Variants in NFATC3 observed in about 807,000 individuals in gnomAD.
NFATC3 encodes the protein nuclear factor of activated T cells 3.
NFATC3 carries 46 observed loss-of-function variants against 98.6 expected under a neutral mutation model. That is an observed-to-expected ratio of 0.47 (90% CI 0.37 to 0.60). NFATC3 has a LOEUF of 0.60. Among genes scored for constraint, NFATC3 ranks in the 20% least tolerant of loss-of-function variants. The probability of loss-of-function intolerance (pLI) is 0.00; values close to 1 mark genes in which losing one functional copy is unlikely to be tolerated. For missense variants in NFATC3, 1,256 were observed against 1,295.5 expected, an observed-to-expected ratio of 0.97 and a Z score of 0.47; for synonymous variants, 512 against 472.2, an observed-to-expected ratio of 1.08 and a Z score of -1.09.
intron 9 of NFATC3, among the ~76,000 whole-genome samples, chr16:68,194,872 A>G (rs1598562819): frequency 6.6e-6 from 1 of 152,320 alleles, no homozygotes; most frequent in Admixed American, 6.5e-5. Context: ...ATTTGTTGCA[A>G]AAACAGAAGA....
intron 9 of NFATC3, 111 bp from the exon 10 acceptor site, chr16:68,226,239 C>A: frequency 7.5e-7 from 1 of 1,338,616 alleles, no homozygotes; most frequent in Non-Finnish European, 1.0e-6. Context: ...CTGCCTTTAT[C>A]TTTACAGAAA....
At chr16:68,143,663 A>G (rs560926506) in intron 3 of NFATC3, among the ~76,000 whole-genome samples, 17 of 152,288 alleles carry the variant, frequency 1.1e-4, no homozygotes, top group Non-Finnish European at 2.2e-4. Flanking sequence ...AACCTGGCCA[A>G]TATAATGAAG....
chr16:68,209,800 A>C, intron 9 of NFATC3: 1 of 406,340 alleles, frequency 2.5e-6, no homozygotes, highest in Non-Finnish European at 4.7e-6. Context: ...AATGCAAGAA[A>C]TGAACGAATA....
rs771954147 is a variant in NFATC3, at chr16:68,122,229, A to G, written c.346A>G (p.Ile116Val). The G allele has an allele frequency of 9.3e-6, 15 of 1,613,956 alleles. No individual in the cohort carries two copies. The highest frequency in any genetic ancestry group is 8.0e-5 in the African/African-American group (6 of 74,888). Residue 116 changes from isoleucine to valine, a missense_variant, in exon 2 of 10, where the codon ATC becomes GTC. This residue lies in a region of NFATC3 where 464 missense variants were observed against 465.7 expected (regional missense o/e 1.00). Coordinates refer to ENST00000346183, the MANE Select transcript of NFATC3 (RefSeq NM_173165.3). Reference sequence around the variant, plus strand: ...GTGCCCAAGTATTCAAATTACATCTATCTCTCCTAACTGTCATCAAGAATT... The same window carrying G: ...GTGCCCAAGTATTCAAATTACATCTGTCTCTCCTAACTGTCATCAAGAATT... ...FECPSIQITS[I>V]SPNCHQELDA... is the part of the protein sequence containing the mutation.
chr16:68,146,929 CT>C (rs2038067739), intron 3 of NFATC3, among the ~76,000 whole-genome samples: 1 of 152,200 alleles, frequency 6.6e-6, no homozygotes, highest in South Asian at 2.1e-4. Context: ...AACATAAATG[CT>C]TCTCTGGAAA....
At chr16:68,170,965 C>T (rs769222072) in intron 5 of NFATC3, among the ~76,000 whole-genome samples, 30 of 152,098 alleles carry the variant, frequency 2.0e-4, no homozygotes, top group Non-Finnish European at 3.2e-4. Context: ...ATTTTCATCA[C>T]GCAAGTAGTT....
At chr16:68,092,487 C>A (rs983342649) in intron 1 of NFATC3, among the ~76,000 whole-genome samples, 3 of 145,224 alleles carry the variant, frequency 2.1e-5, no homozygotes, top group Non-Finnish European at 3.1e-5. Context: ...AAAGGCTGGG[C>A]ACGGTGGCTT....
chr16:68,217,779 G>A lies in NFATC3; in HGVS notation c.3107-8571G>A, dbSNP rs77253899. On this transcript the variant is annotated intron_variant, in intron 9 of 9. Coordinates refer to ENST00000346183, the MANE Select transcript of NFATC3 (RefSeq NM_173165.3). ...AGCCCGAGGAAGGGATGGGAAAAAG[G>A]GAGGAAGAAGGAGGCCAAGCAAGTG... The A allele has an allele frequency of 1.4e-3, 1,780 of 1,231,604 alleles. 22 individuals carry two copies. In the African/African-American group the frequency reaches 0.02, roughly 14 times the overall value. The allele number at this position is 1,231,604 out of a possible 1,614,324, so 76.3% of individuals were successfully genotyped here. A position where few individuals can be genotyped will look rare whatever the true frequency, so the allele number is the denominator to read the frequency against.
chr16:68,183,464 T>A, intron 8 of NFATC3, 98 bp downstream of exon 8: 1 of 1,350,348 alleles, frequency 7.4e-7, no homozygotes, highest in Non-Finnish European at 1.0e-6. Flanking sequence ...GGTAGAGTGC[T>A]TATAAACAAT....
chr16:68,133,143 G>A (rs1389228460), intron 3 of NFATC3, among the ~76,000 whole-genome samples: 1 of 152,184 alleles, frequency 6.6e-6, no homozygotes, highest in Non-Finnish European at 1.5e-5. Flanking sequence ...GCACATGCCT[G>A]TAATCTCAGC....
At chr16:68,145,474 A>G (rs961128723) in intron 3 of NFATC3, among the ~76,000 whole-genome samples, 1 of 152,196 alleles carries the variant, frequency 6.6e-6, no homozygotes, top group African/African-American at 2.4e-5. Flanking sequence ...GCCCAAGGTT[A>G]TAAACAAACC....
At chr16:68,190,675 C>A in intron 8 of NFATC3, 93 bp from the exon 9 acceptor site, 1 of 1,350,472 alleles carries the variant, frequency 7.4e-7, no homozygotes, top group Non-Finnish European at 1.0e-6. Context: ...TGCCCCTCAG[C>A]TTACGCTGTA....
chr16:68,133,983 T>A (rs1357090764), intron 3 of NFATC3, among the ~76,000 whole-genome samples: 2 of 152,182 alleles, frequency 1.3e-5, no homozygotes, highest in Non-Finnish European at 2.9e-5. Context: ...CTGTGCCAAT[T>A]TATACTCCCA....
At chr16:68,085,864 G>A in intron 1 of NFATC3, 80 bp downstream of exon 1, 1 of 1,111,980 alleles carries the variant, frequency 9.0e-7, no homozygotes, top group Non-Finnish European at 1.2e-6. Context: ...CTGTTCCCTT[G>A]GATGACCGGA....
chr16:68,218,028 A>G, intron 9 of NFATC3: 1 of 1,134,384 alleles, frequency 8.8e-7, no homozygotes. Flanking sequence ...CTGTAGCTTG[A>G]AAAATCAAAT....
intron 3 of NFATC3, among the ~76,000 whole-genome samples, chr16:68,135,383 G>C (rs772355356): frequency 3.4e-5 from 5 of 149,020 alleles, no homozygotes; most frequent in Non-Finnish European, 5.9e-5. Flanking sequence ...GTGTGAACCC[G>C]GGAGGCAGAG....
chr16:68,085,610 G>C lies in NFATC3; in HGVS notation c.-72G>C. On this transcript the variant is annotated 5_prime_UTR_variant, in exon 1 of 10. Transcript: ENST00000346183. ...CGGCCCGGCATGAAGCGGCGTTGAGGAGCTGCTGCCGCCGCTTGCCGCTGC... is the reference window on the plus strand; with the variant it reads ...CGGCCCGGCATGAAGCGGCGTTGAGCAGCTGCTGCCGCCGCTTGCCGCTGC... 7 of 1,342,014 alleles carry C rather than the reference G, an allele frequency of 5.2e-6. No homozygotes were observed. The highest frequency in any genetic ancestry group is 7.0e-6 in the Non-Finnish European group (7 of 1,003,646). The allele number at this position is 1,342,014 out of a possible 1,614,324, so 83.1% of individuals were successfully genotyped here. A position where few individuals can be genotyped will look rare whatever the true frequency, so the allele number is the denominator to read the frequency against.
intron 9 of NFATC3, among the ~76,000 whole-genome samples, chr16:68,215,605 G>A (rs1043921197): frequency 6.6e-6 from 1 of 152,098 alleles, no homozygotes; most frequent in Non-Finnish European, 1.5e-5. Context: ...AGAAACAGCA[G>A]TGTAGACAAC....
At chr16:68,150,599 T>C (rs1376854257) in intron 3 of NFATC3, among the ~76,000 whole-genome samples, 1 of 152,004 alleles carries the variant, frequency 6.6e-6, no homozygotes, top group Non-Finnish European at 1.5e-5. Flanking sequence ...AAAAGTGATA[T>C]AATTGACTAC....
Sources: allele counts gnomAD v4.1 joint callset (sites outside exome capture counted in the v4.1 genomes callset), GRCh38; gene constraint gnomAD v4.1.1; regional missense constraint gnomAD v4.1.1; transcripts MANE v1.5; gene names NCBI Gene and HGNC (gene_info 2026-07-23, HGNC 2026-07-21).